The following TMTC2 variants were observed in gnomAD, a reference collection of about 807,000 sequenced individuals.
TMTC2 encodes transmembrane O-mannosyltransferase targeting cadherins 2.
Under a neutral mutation model 82.4 loss-of-function variants are expected in TMTC2, and 43 were observed. That is an observed-to-expected ratio of 0.52 (90% CI 0.41 to 0.67). The LOEUF is 0.67. Ranked by LOEUF, TMTC2 falls within the 30% of genes least tolerant of loss-of-function variation. The pLI, the probability that TMTC2 is intolerant of heterozygous loss-of-function variation, is 0.00. For synonymous variants in TMTC2, 408 were observed against 381.9 expected, an observed-to-expected ratio of 1.07 and a Z score of -0.80; for missense variants, 919 against 1,012.4, an observed-to-expected ratio of 0.91 and a Z score of 1.25.
chr12:82,713,887 A>G (rs1429661867), intron 1 of TMTC2, among the ~76,000 whole-genome samples: 2 of 152,236 alleles, frequency 1.3e-5, no homozygotes, highest in Non-Finnish European at 2.9e-5. Context: ...TTGTAGAGTT[A>G]CAAGCAAATA....
At chr12:82,693,081 C>A (rs894743014) in intron 1 of TMTC2, among the ~76,000 whole-genome samples, 1 of 152,132 alleles carries the variant, frequency 6.6e-6, no homozygotes, top group African/African-American at 2.4e-5. Flanking sequence ...ACAAGCATCC[C>A]ACAAAACATT....
chr12:82,729,191 G>A (rs1024841356), intron 1 of TMTC2, among the ~76,000 whole-genome samples: 1 of 152,204 alleles, frequency 6.6e-6, no homozygotes. Context: ...GCTCCTGAGT[G>A]TGGTGGGGGC....
At chr12:83,077,900 T>G (rs1883339859) in intron 11 of TMTC2, among the ~76,000 whole-genome samples, 1 of 145,562 alleles carries the variant, frequency 6.9e-6, no homozygotes, top group Non-Finnish European at 1.5e-5. Context: ...TTTTTTTTTT[T>G]TTTTTAACAG....
chr12:83,010,465 C>T (rs1202973426), intron 8 of TMTC2, among the ~76,000 whole-genome samples: 1 of 152,152 alleles, frequency 6.6e-6, no homozygotes, highest in Admixed American at 6.5e-5. Flanking sequence ...TCTTCCTTAG[C>T]CCTCCCACAT....
At chr12:82,859,224 T>C (rs1355950641) in intron 2 of TMTC2, among the ~76,000 whole-genome samples, 1 of 152,060 alleles carries the variant, frequency 6.6e-6, no homozygotes, top group Non-Finnish European at 1.5e-5. Context: ...CATGCCACCA[T>C]GCTCAGCTAA....
At chr12:82,720,270 C>CATAT (rs1874141756) in intron 1 of TMTC2, among the ~76,000 whole-genome samples, 1 of 152,054 alleles carries the variant, frequency 6.6e-6, no homozygotes, top group African/African-American at 2.4e-5. Context: ...AATATACTGT[C>CATAT]TATATAAGTT....
chr12:82,752,848 T>C (rs1876091681), intron 1 of TMTC2, among the ~76,000 whole-genome samples: 1 of 152,072 alleles, frequency 6.6e-6, no homozygotes, highest in South Asian at 2.1e-4. Flanking sequence ...ATCTCTTCTG[T>C]CTTCTGTTTA....
chr12:82,799,579 GT>G (rs1878897619), intron 1 of TMTC2, among the ~76,000 whole-genome samples: 1 of 152,084 alleles, frequency 6.6e-6, no homozygotes. Flanking sequence ...TGCAGGGTTG[GT>G]TTCTTCTGAG....
chr12:83,117,347 G>A (rs986636225), intron 11 of TMTC2, among the ~76,000 whole-genome samples: 1 of 152,130 alleles, frequency 6.6e-6, no homozygotes, highest in Non-Finnish European at 1.5e-5. Flanking sequence ...ATATCCCTGA[G>A]GAACATAGAT....
intron 3 of TMTC2, among the ~76,000 whole-genome samples, chr12:82,913,349 T>C (rs539459885): frequency 7.0e-4 from 107 of 152,318 alleles, no homozygotes; most frequent in Non-Finnish European, 1.2e-3. Flanking sequence ...TGGCTTTTGC[T>C]GGTTCTCAGC....
chr12:82,842,656 G>A (rs1452978766), intron 1 of TMTC2, among the ~76,000 whole-genome samples: 2 of 152,112 alleles, frequency 1.3e-5, no homozygotes, highest in Admixed American at 6.5e-5. Context: ...CATAAACAAT[G>A]GAATCTTATG....
At chr12:83,098,694 C>T (rs143268794) in intron 11 of TMTC2, among the ~76,000 whole-genome samples, 8 of 152,320 alleles carry the variant, frequency 5.3e-5, no homozygotes, top group African/African-American at 1.2e-4. Context: ...TAAGCAAGCT[C>T]GAGCAAGGGG....
intron 8 of TMTC2, among the ~76,000 whole-genome samples, chr12:82,993,262 C>T (rs1565842986): frequency 6.6e-6 from 1 of 152,112 alleles, no homozygotes; most frequent in South Asian, 2.1e-4. Flanking sequence ...GGGTTACAGG[C>T]GTGAGCCACT....
intron 11 of TMTC2, among the ~76,000 whole-genome samples, chr12:83,108,407 G>A (rs751517952): frequency 3.9e-5 from 6 of 152,152 alleles, no homozygotes; most frequent in African/African-American, 9.6e-5. Flanking sequence ...CAAGGCAGGC[G>A]GATCATGAGG....
chr12:82,936,120 A>AAT (rs1194253449), intron 4 of TMTC2, among the ~76,000 whole-genome samples: 3 of 151,934 alleles, frequency 2.0e-5, no homozygotes, highest in African/African-American at 4.8e-5. Context: ...AAATCATACG[A>AAT]ATATATATAT....
At chr12:83,113,309 T>C (rs1181271864) in intron 11 of TMTC2, among the ~76,000 whole-genome samples, 1 of 152,186 alleles carries the variant, frequency 6.6e-6, no homozygotes, top group African/African-American at 2.4e-5. Context: ...ATTTGGAAGC[T>C]ATTACTCAGA....
At chr12:83,041,662 G>A (rs984178012) in intron 9 of TMTC2, among the ~76,000 whole-genome samples, 5 of 152,152 alleles carry the variant, frequency 3.3e-5, no homozygotes, top group African/African-American at 1.2e-4. Flanking sequence ...AAAAAGATCA[G>A]AGAAAGGGGA....
At chr12:82,805,991 A>G (rs977206875) in intron 1 of TMTC2, among the ~76,000 whole-genome samples, 1 of 152,138 alleles carries the variant, frequency 6.6e-6, no homozygotes, top group African/African-American at 2.4e-5. Context: ...GATGCAGCTC[A>G]TATCCTTGAG....
At chr12:83,018,948 A>G (rs907134270) in intron 8 of TMTC2, among the ~76,000 whole-genome samples, 3 of 152,240 alleles carry the variant, frequency 2.0e-5, no homozygotes, top group Admixed American at 6.5e-5. Context: ...TTGGTTTACA[A>G]TGAGCAAAAG....
Sources: allele counts gnomAD v4.1 joint callset (sites outside exome capture counted in the v4.1 genomes callset), GRCh38; gene constraint gnomAD v4.1.1; transcripts MANE v1.5; gene names NCBI Gene and HGNC (gene_info 2026-07-23, HGNC 2026-07-21).